The following SMARCA4 variants were observed in gnomAD, a reference collection of about 807,000 sequenced individuals.
The protein encoded by SMARCA4 is SWI/SNF related BAF chromatin remodeling complex subunit ATPase 4.
SMARCA4 carries 31 observed loss-of-function variants against 193.9 expected under a neutral mutation model. The ratio of observed to expected loss-of-function variants is 0.16; its 90% confidence interval spans 0.12 to 0.22. The LOEUF is 0.22. Ranked by LOEUF, SMARCA4 falls within the 10% of genes least tolerant of loss-of-function variation. The pLI is 1.00. For synonymous variants in SMARCA4, 942 were observed against 933.1 expected (o/e 1.01, Z -0.17); for missense variants, 1,148 against 2,296.0 (o/e 0.50, Z 10.22).
intron 8 of SMARCA4, 148 bp from the exon 9 acceptor site, chr19:10,994,680 C>T (rs919334810): frequency 3.1e-5 from 22 of 714,796 alleles, no homozygotes; most frequent in Non-Finnish European, 3.8e-5. Context: ...AGGATGATCT[C>T]GATCTCCTGA....
intron 30 of SMARCA4, among the ~76,000 whole-genome samples, chr19:11,052,299 A>G (rs1382842760): frequency 4.6e-5 from 7 of 152,196 alleles, no homozygotes; most frequent in Non-Finnish European, 1.0e-4. Flanking sequence ...TGTGATATCC[A>G]CCTGTAGTCC....
At chr19:11,035,369 C>T (rs540511836) in intron 29 of SMARCA4, among the ~76,000 whole-genome samples, 57 of 152,364 alleles carry the variant, frequency 3.7e-4, no homozygotes, top group African/African-American at 1.4e-3. Flanking sequence ...TCAAAACCTG[C>T]TGCTGGTTAT....
At chr19:10,967,243 G>A (rs1048269027) in intron 1 of SMARCA4, among the ~76,000 whole-genome samples, 1 of 152,110 alleles carries the variant, frequency 6.6e-6, no homozygotes, top group Admixed American at 6.6e-5. Context: ...CAGAGAGAAG[G>A]GACACATTGA....
intron 14 of SMARCA4, chr19:11,008,429 A>C (rs1174060461): frequency 2.9e-6 from 1 of 341,558 alleles, no homozygotes; most frequent in East Asian, 7.6e-5. Context: ...TCCAGTGTAC[A>C]TTGGTGTGCA....
Position 11,007,886 on chromosome 19 carries a change from G to T in SMARCA4, c.2002-16G>T, listed in dbSNP as rs2146189090. The T allele has an allele frequency of 6.2e-7, 1 of 1,613,118 alleles. No homozygotes were observed. Among genetic ancestry groups the T allele is most frequent in the Non-Finnish European group, 8.5e-7 (1 of 1,179,686 alleles). On this transcript the variant is annotated splice_polypyrimidine_tract_variant and intron_variant, in intron 13 of 34. Coordinates refer to ENST00000344626, the MANE Select transcript of SMARCA4 (RefSeq NM_003072.5). ...TGGGGGATGAACTGAGGTGACATGG[G>T]CTTGTCTCTTGGTAGGAGGAGGAGG...
intron 8 of SMARCA4, among the ~76,000 whole-genome samples, chr19:10,993,335 A>C (rs1446125902): frequency 1.3e-5 from 2 of 152,164 alleles, no homozygotes; most frequent in Non-Finnish European, 2.9e-5. Flanking sequence ...TGATGTCTAC[A>C]CTGTATTCCA....
chr19:11,000,474 C>T (rs528529518), intron 11 of SMARCA4, among the ~76,000 whole-genome samples: 1 of 152,240 alleles, frequency 6.6e-6, no homozygotes, highest in South Asian at 2.1e-4. Context: ...CTGCAGTGCA[C>T]TGTGTTTGTA....
chr19:10,966,426 A>G (rs576899999), intron 1 of SMARCA4, among the ~76,000 whole-genome samples: 42 of 152,146 alleles, frequency 2.8e-4, no homozygotes, highest in Non-Finnish European at 4.9e-4. Context: ...CCCCGTCTCT[A>G]CAGAAAAGTT....
At chr19:11,003,783 C>T (rs2087892381) in intron 13 of SMARCA4, among the ~76,000 whole-genome samples, 1 of 150,854 alleles carries the variant, frequency 6.6e-6, no homozygotes, top group African/African-American at 2.4e-5. Flanking sequence ...GCAATCTCAG[C>T]TCATTGCAAC....
chr19:11,038,573 T>C (rs1369519625), intron 29 of SMARCA4, among the ~76,000 whole-genome samples: 1 of 152,096 alleles, frequency 6.6e-6, no homozygotes, highest in African/African-American at 2.4e-5. Flanking sequence ...GTCTCTCTCT[T>C]CCCTCCTTCC....
rs775251884 is a variant in SMARCA4, at chr19:11,031,472, ACAGT to A, written c.3546+583_3546+586del. ...TGTTTTTAACATGTAAACACCAGTG[ACAGT>A]CAGGAGTCCCTTTTCCCTTCCTCTC... is the stretch of plus-strand genomic sequence containing the variant. On this transcript the variant is annotated intron_variant, in intron 25 of 34. Coordinates refer to ENST00000344626, the MANE Select transcript of SMARCA4 (RefSeq NM_003072.5). This position sits in a 1 kb window ranked among gnomAD's most constrained non-coding sequence, Gnocchi z 4.3. 2.2e-4 allele frequency: 37 copies of A among 167,184 alleles called. No individual in the cohort carries two copies. Among genetic ancestry groups the A allele is most frequent in the Non-Finnish European group, 4.2e-4 (32 of 75,860 alleles). The allele number at this position is 167,184 out of a possible 1,614,324, so 10.4% of individuals were successfully genotyped here.
chr19:10,965,460 C>T (rs1254083066), intron 1 of SMARCA4, among the ~76,000 whole-genome samples: 1 of 152,186 alleles, frequency 6.6e-6, no homozygotes, highest in African/African-American at 2.4e-5. Context: ...TATACTTTTT[C>T]CTCTAGTCAT....
intron 11 of SMARCA4, among the ~76,000 whole-genome samples, chr19:11,001,098 A>T (rs2087591997): frequency 6.6e-6 from 1 of 152,126 alleles, no homozygotes; most frequent in South Asian, 2.1e-4. Context: ...TCTGTTGTCC[A>T]GGCTGGAGTC....
chr19:11,002,799 C>CAAAA (rs747143883), intron 11 of SMARCA4, among the ~76,000 whole-genome samples: 24 of 83,510 alleles, frequency 2.9e-4, no homozygotes, highest in Admixed American at 4.2e-4. Flanking sequence ...GACTCCGTCT[C>CAAAA]AAAAAAAAAA....
chr19:11,039,532 G>C lies in SMARCA4; in HGVS notation c.4171-1775G>C, dbSNP rs1600446366. ...GGCTACAATTCCAGCGTGGCCTTCA[G>C]TTCTGCACACGTGCGTCAAAGGTGG... On this transcript the variant is annotated intron_variant, in intron 29 of 34. Transcript: ENST00000344626. 1 of 1,602,774 alleles carries C rather than the reference G, an allele frequency of 6.2e-7. No individual in the cohort carries two copies. Among genetic ancestry groups the C allele is most frequent in the Non-Finnish European group, 8.5e-7 (1 of 1,175,524 alleles).
chr19:11,039,539 A>G lies in SMARCA4; in HGVS notation c.4171-1768A>G. 1 of 1,599,508 alleles carries G rather than the reference A, an allele frequency of 6.3e-7. No individual in the cohort carries two copies. Among genetic ancestry groups the G allele is most frequent in the Non-Finnish European group, 8.5e-7 (1 of 1,173,974 alleles). ...ATTCCAGCGTGGCCTTCAGTTCTGC[A>G]CACGTGCGTCAAAGGTGGGGAGAGT... is the stretch of plus-strand genomic sequence containing the variant. On this transcript the variant is annotated intron_variant, in intron 29 of 34. Transcript: ENST00000344626.
chr19:11,021,355 C>T, intron 18 of SMARCA4: 1 of 374,812 alleles, frequency 2.7e-6, no homozygotes, highest in South Asian at 2.0e-5. Flanking sequence ...CCCTCCACAC[C>T]AGCAGGACAA....
intron 11 of SMARCA4, among the ~76,000 whole-genome samples, chr19:10,998,567 T>A (rs924572105): frequency 5.3e-5 from 8 of 152,012 alleles, no homozygotes; most frequent in African/African-American, 1.9e-4. Context: ...GACTTTTATT[T>A]CCATCGTTCT....
At chr19:11,000,611 T>C (rs963428697) in intron 11 of SMARCA4, among the ~76,000 whole-genome samples, 2 of 151,972 alleles carry the variant, frequency 1.3e-5, no homozygotes, top group African/African-American at 4.8e-5. Context: ...CCAGGTGCGG[T>C]GGCTCACATC....
Sources: allele counts gnomAD v4.1 joint callset (sites outside exome capture counted in the v4.1 genomes callset), GRCh38; gene constraint gnomAD v4.1.1; non-coding constraint Gnocchi (gnomAD v3.1); transcripts MANE v1.5; gene names NCBI Gene and HGNC (gene_info 2026-07-23, HGNC 2026-07-21).